ELOVL4: variants seen among roughly 807,000 people sequenced by gnomAD.
The protein encoded by ELOVL4 is ELOVL fatty acid elongase 4, also known as very long chain fatty acid elongase 4.
In ELOVL4, 18 loss-of-function variants were observed where a neutral mutation model predicts 42.1. The observed-to-expected ratio is 0.43, with a 90% CI of 0.30 to 0.63. The LOEUF (loss-of-function observed/expected upper bound fraction) is 0.63. Ranked by LOEUF, ELOVL4 falls within the 30% of genes least tolerant of loss-of-function variation. The pLI is 0.15. For synonymous variants in ELOVL4, 117 were observed against 127.0 expected (o/e 0.92, Z 0.53); for missense variants, 299 against 376.2 (o/e 0.79, Z 1.70).
intron 5 of ELOVL4, among the ~76,000 whole-genome samples, chr6:79,919,092 T>C (rs999686748): frequency 8.5e-6 from 1 of 118,022 alleles, no homozygotes. Flanking sequence ...AAAAAATACA[T>C]ATTATTTTTC....
At chr6:79,925,685 T>C (rs987240030) in intron 2 of ELOVL4, among the ~76,000 whole-genome samples, 1 of 152,188 alleles carries the variant, frequency 6.6e-6, no homozygotes, top group African/African-American at 2.4e-5. Context: ...ACAACAGCTA[T>C]ATGGCAGTTA....
Position 79,916,210 on chromosome 6 carries a change from G to A in ELOVL4, c.*398C>T. On this transcript the variant is annotated 3_prime_UTR_variant, in exon 6 of 6. Coordinates refer to ENST00000369816, the MANE Select transcript of ELOVL4 (RefSeq NM_022726.4). The stretch of plus-strand genomic sequence containing the variant: ...ACCACTGATTTCAGTCAGTAGATAA[G>A]ATAATTAGTAATTTATCAAAATAAT... 4.8e-6 allele frequency: 1 copy of A among 207,598 alleles called. No homozygotes were observed. Among genetic ancestry groups the A allele is most frequent in the South Asian group, 8.1e-5 (1 of 12,386 alleles). The allele number at this position is 207,598 out of a possible 1,614,324, so 12.9% of individuals were successfully genotyped here.
chr6:79,946,976 T>G (rs1774755158), intron 1 of ELOVL4, among the ~76,000 whole-genome samples: 1 of 151,844 alleles, frequency 6.6e-6, no homozygotes, highest in Non-Finnish European at 1.5e-5. Flanking sequence ...ACCCTGCGAG[T>G]GTCGGGGGAG....
rs886061799 is a variant in ELOVL4 at position 79,915,703 on chromosome 6, A to G, written c.*905T>C. The G allele has an allele frequency of 4.6e-5, 7 of 152,588 alleles. No individual in the cohort carries two copies. In the East Asian group the frequency reaches 1.3e-3, roughly 29 times the overall value. The allele number at this position is 152,588 out of a possible 1,614,324, so 9.5% of individuals were successfully genotyped here. ...ACGGAAGAGGTAGGTATATTTCCACATATGAAAAATCAGGAACAGCCATAA... is the reference window on the plus strand; with the variant it reads ...ACGGAAGAGGTAGGTATATTTCCACGTATGAAAAATCAGGAACAGCCATAA... On this transcript the variant is annotated 3_prime_UTR_variant, in exon 6 of 6. Transcript: ENST00000369816.
In ELOVL4 at chr6:79,947,271, G is replaced by C; in HGVS notation, c.9C>G (p.Leu3=). 2 of 1,612,372 alleles carry C rather than the reference G, an allele frequency of 1.2e-6. No homozygotes were observed. Among genetic ancestry groups the C allele is most frequent in the Non-Finnish European group, 1.7e-6 (2 of 1,179,178 alleles). The change falls in exon 1 of 6, where the codon CTC becomes CTG. Residue 3 remains leucine, a synonymous_variant. Transcript: ENST00000369816. MG[L]LDSEPGSVLN... ...GGACACTACCCGGCTCCGAGTCCAG[G>C]AGCCCCATCGCGGCGATGAGCGGGC...
At chr6:79,918,276 C>A (rs1774192984) in intron 5 of ELOVL4, among the ~76,000 whole-genome samples, 1 of 152,068 alleles carries the variant, frequency 6.6e-6, no homozygotes, top group African/African-American at 2.4e-5. Context: ...TGTGGTTTCA[C>A]AATGGTTTTT....
chr6:79,932,966 A>G (rs1444901229), intron 1 of ELOVL4, among the ~76,000 whole-genome samples: 1 of 152,186 alleles, frequency 6.6e-6, no homozygotes, highest in African/African-American at 2.4e-5. Context: ...AATTAGAAAG[A>G]CCTACAAAAG....
chr6:79,921,865 G>C, intron 3 of ELOVL4, 69 bp from the exon 4 acceptor site: 1 of 1,454,372 alleles, frequency 6.9e-7, no homozygotes, highest in East Asian at 2.3e-5. Flanking sequence ...CTCATTGTAA[G>C]TAAGTCCAAA....
chr6:79,944,862 A>G (rs909643225), intron 1 of ELOVL4, among the ~76,000 whole-genome samples: 1 of 152,036 alleles, frequency 6.6e-6, no homozygotes, highest in Non-Finnish European at 1.5e-5. Context: ...CCTTCTTTCC[A>G]AACATTTGAC....
chr6:79,947,255 C>A lies in ELOVL4; in HGVS notation c.25G>T (p.Gly9Cys), dbSNP rs770040916. 2 of 1,612,932 alleles carry A rather than the reference C, an allele frequency of 1.2e-6. No individual in the cohort carries two copies. Among genetic ancestry groups the A allele is most frequent in the South Asian group, 2.2e-5 (2 of 90,952 alleles). MGLLDSEP[G>C]SVLNVVSTAL... is the part of the protein sequence containing the mutation. ...GTGGACACTACGTTTAGGACACTAC[C>A]CGGCTCCGAGTCCAGGAGCCCCATC... Residue 9 changes from glycine to cysteine, a missense_variant, in exon 1 of 6, where the codon GGT becomes TGT. Physicochemically the swap from Gly to Cys is radical, Grantham distance 159. Transcript: ENST00000369816.
chr6:79,938,186 T>C (rs1408650537), intron 1 of ELOVL4, among the ~76,000 whole-genome samples: 5 of 152,242 alleles, frequency 3.3e-5, no homozygotes, highest in African/African-American at 1.2e-4. Context: ...AGAATACAAG[T>C]AGTTTCCTTC....
Position 79,916,758 on chromosome 6 carries a change from G to C in ELOVL4, c.795C>G (p.Phe265Leu), listed in dbSNP as rs764966044. 6.2e-7 allele frequency: 1 copy of C among 1,614,094 alleles called. No individual in the cohort carries two copies. The highest frequency in any genetic ancestry group is 8.5e-7 in the Non-Finnish European group (1 of 1,180,028). Residue 265 changes from phenylalanine to leucine, a missense_variant, in exon 6 of 6, where the codon TTC becomes TTG. Transcript: ENST00000369816. ...AISFIFLFLN[F>L]YIRTYKEPKK... ...TAGGCTCTTTGTATGTCCGAATGTA[G>C]AAGTTAAGAAAGAGAAATATGAAGC...
chr6:79,940,974 T>C (rs1180240041), intron 1 of ELOVL4, among the ~76,000 whole-genome samples: 1 of 151,984 alleles, frequency 6.6e-6, no homozygotes, highest in Non-Finnish European at 1.5e-5. Context: ...TTCCTCTACC[T>C]ATTTCTTATA....
At chr6:79,944,190 A>G (rs1774697626) in intron 1 of ELOVL4, among the ~76,000 whole-genome samples, 1 of 152,234 alleles carries the variant, frequency 6.6e-6, no homozygotes. Context: ...GGGTATTCAT[A>G]GATTGGGGAA....
rs1252515683 is a variant in ELOVL4 at position 79,938,355 on chromosome 6, C to A, written c.100+8825G>T. Among the ~76,000 whole-genome samples the A allele has an allele frequency of 9.9e-5, 15 of 152,158 alleles. 1 individual carries two copies. The highest frequency in any genetic ancestry group is 8.8e-5 in the Non-Finnish European group (6 of 68,032). ...CCTTTAGCAAAAAAGATGGAAGATA[C>A]CATTAGAGTGTGTGAGTGTGTGAGT... is the stretch of plus-strand genomic sequence containing the variant. On this transcript the variant is annotated intron_variant, in intron 1 of 5. Transcript: ENST00000369816.
Position 79,922,991 on chromosome 6 carries a change from A to G in ELOVL4, c.370-1195T>C, listed in dbSNP as rs370119958. Among the ~76,000 whole-genome samples, 11 of 152,306 alleles carry G rather than the reference A, an allele frequency of 7.2e-5. No homozygotes were observed. In the East Asian group the frequency reaches 1.7e-3, roughly 24 times the overall value. ...AACACTATAGTTAATATTCACTATTATATTAGTTCTTTAAAATAAAGTAAC... is the reference window on the plus strand; with the variant it reads ...AACACTATAGTTAATATTCACTATTGTATTAGTTCTTTAAAATAAAGTAAC... On this transcript the variant is annotated intron_variant, in intron 3 of 5. Coordinates refer to ENST00000369816, the MANE Select transcript of ELOVL4 (RefSeq NM_022726.4).
intron 1 of ELOVL4, among the ~76,000 whole-genome samples, chr6:79,927,134 C>T (rs1239155632): frequency 6.6e-6 from 1 of 152,026 alleles, no homozygotes; most frequent in Non-Finnish European, 1.5e-5. Context: ...TATTCAAATA[C>T]ACAACCATAA....
At chr6:79,927,826 T>C (rs1774369711) in intron 1 of ELOVL4, among the ~76,000 whole-genome samples, 2 of 152,192 alleles carry the variant, frequency 1.3e-5, no homozygotes, top group Non-Finnish European at 2.9e-5. Context: ...TATGGCTATA[T>C]CACTCAAATC....
rs1270557825 is a variant in ELOVL4 at position 79,941,970 on chromosome 6, C to T, written c.100+5210G>A. On this transcript the variant is annotated intron_variant, in intron 1 of 5. Coordinates refer to ENST00000369816, the MANE Select transcript of ELOVL4 (RefSeq NM_022726.4). The stretch of plus-strand genomic sequence containing the variant: ...GAAATACGTGAGTAATTACTAAAGA[C>T]AATGAGCTCCTGTGAGACAACAACT... Among the ~76,000 whole-genome samples the T allele has an allele frequency of 2.0e-5, 3 of 152,182 alleles. No individual in the cohort carries two copies. In the East Asian group the frequency reaches 5.8e-4, roughly 29 times the overall value.
Sources: gnomAD v4.1 joint callset for allele counts (sites outside exome capture counted in the v4.1 genomes callset) on GRCh38, gnomAD v4.1.1 for gene constraint, MANE v1.5 for transcripts, NCBI Gene and HGNC (gene_info 2026-07-23, HGNC 2026-07-21) for gene names.